Variants in NEGR1 observed in about 807,000 individuals in gnomAD.
NEGR1 encodes neuronal growth regulator 1.
A neutral mutation model predicts 40.9 loss-of-function variants in NEGR1; 10 were observed. The observed-to-expected ratio is 0.24, with a 90% CI of 0.15 to 0.42. The LOEUF is 0.42. NEGR1 is among the 10% of genes least tolerant of loss of function. The pLI, the probability that NEGR1 is intolerant of heterozygous loss-of-function variation, is 1.00. For missense variants in NEGR1, 352 were observed against 438.9 expected (o/e 0.80, Z 1.77); for synonymous variants, 185 against 166.8 (o/e 1.11, Z -0.84).
chr1:71,665,860 C>T lies in NEGR1; in HGVS notation c.667+32148G>A, dbSNP rs553778503. On this transcript the variant is annotated intron_variant, in intron 4 of 6. Coordinates refer to ENST00000357731, the MANE Select transcript of NEGR1 (RefSeq NM_173808.3). ...CTCCTATGGCTCTAGTTATCCTCCT[C>T]TAAGAGTATGCATTTTGTTTTGAAC... is the stretch of plus-strand genomic sequence containing the variant. Among the ~76,000 whole-genome samples the T allele has an allele frequency of 2.0e-5, 3 of 152,266 alleles. No homozygotes were observed. The South Asian group carries it at 6.2e-4, about 32-fold the overall frequency.
chr1:71,943,376 T>A (rs1289934002), intron 1 of NEGR1, among the ~76,000 whole-genome samples: 2 of 151,186 alleles, frequency 1.3e-5, no homozygotes, highest in Non-Finnish European at 3.0e-5. Flanking sequence ...ACATTTTAAA[T>A]GCCTGGGAAA....
intron 6 of NEGR1, among the ~76,000 whole-genome samples, chr1:71,466,454 A>G (rs750228686): frequency 2.0e-5 from 3 of 152,024 alleles, no homozygotes; most frequent in Admixed American, 1.3e-4. Context: ...TAGTTTATAA[A>G]CCACGGGTAT....
At chr1:71,778,211 A>G (rs1279811299) in intron 2 of NEGR1, among the ~76,000 whole-genome samples, 1 of 152,084 alleles carries the variant, frequency 6.6e-6, no homozygotes, top group Non-Finnish European at 1.5e-5. Flanking sequence ...ATATACATAT[A>G]TAGATGGTCA....
intron 3 of NEGR1, among the ~76,000 whole-genome samples, chr1:71,727,443 T>G (rs932860785): frequency 6.6e-6 from 1 of 152,122 alleles, no homozygotes; most frequent in African/African-American, 2.4e-5. Flanking sequence ...CTTCAGACAT[T>G]TATTAGGAAT....
At position 71,999,434 on chromosome 1, in the gene NEGR1, T is replaced by A. The variant is rs77246885; in HGVS notation, c.177-64123A>T. Among the ~76,000 whole-genome samples the A allele has an allele frequency of 6.2e-3, 940 of 151,178 alleles. 14 individuals carry two copies. The highest frequency in any genetic ancestry group is 0.022 in the African/African-American group (898 of 41,276). ...CTGGGAAGATGACAAATACCAGAAG[T>A]TTTAAGAAAGTTAAATATATCAGAA... On this transcript the variant is annotated intron_variant, in intron 1 of 6. Transcript: ENST00000357731.
intron 6 of NEGR1, among the ~76,000 whole-genome samples, chr1:71,507,158 T>C (rs1647040566): frequency 6.6e-6 from 1 of 152,194 alleles, no homozygotes; most frequent in Non-Finnish European, 1.5e-5. Flanking sequence ...AAGAGAACAC[T>C]GTAAAAGCTG....
chr1:71,851,919 A>C (rs754325874), intron 2 of NEGR1, among the ~76,000 whole-genome samples: 12 of 152,150 alleles, frequency 7.9e-5, no homozygotes, highest in Non-Finnish European at 8.8e-5. Flanking sequence ...AATGAAGGTA[A>C]AAATAGTTCC....
intron 1 of NEGR1, among the ~76,000 whole-genome samples, chr1:71,974,047 A>C (rs1352505598): frequency 6.6e-6 from 1 of 152,178 alleles, no homozygotes; most frequent in Non-Finnish European, 1.5e-5. Flanking sequence ...CAGTCAAGGA[A>C]GTAGATTACT....
At chr1:71,768,139 C>T (rs1448635123) in intron 3 of NEGR1, among the ~76,000 whole-genome samples, 1 of 152,180 alleles carries the variant, frequency 6.6e-6, no homozygotes, top group Admixed American at 6.5e-5. Context: ...CACACAGAGT[C>T]CCCACTGGGG....
intron 1 of NEGR1, among the ~76,000 whole-genome samples, chr1:72,180,051 G>A (rs6699731): frequency 0.52 from 78,887 of 151,756 alleles, 21,224 homozygotes; most frequent in East Asian, 0.84. Context: ...GCATAGAACC[G>A]TAAAAGACTC....
At chr1:71,880,607 C>T (rs1449688502) in intron 2 of NEGR1, among the ~76,000 whole-genome samples, 2 of 151,840 alleles carry the variant, frequency 1.3e-5, no homozygotes, top group Admixed American at 6.6e-5. Flanking sequence ...AGATAGAAAA[C>T]CTTGCAGTTT....
intron 1 of NEGR1, among the ~76,000 whole-genome samples, chr1:71,989,864 C>G (rs1436770802): frequency 6.6e-6 from 1 of 152,030 alleles, no homozygotes; most frequent in African/African-American, 2.4e-5. Flanking sequence ...ATTTATATAC[C>G]ATTGCAGTTA....
intron 6 of NEGR1, among the ~76,000 whole-genome samples, chr1:71,529,851 A>G (rs12759678): frequency 0.13 from 19,811 of 151,096 alleles, 1,880 homozygotes; most frequent in African/African-American, 0.27. Flanking sequence ...GTTTTCTTTC[A>G]TTCTTATTAT....
chr1:71,791,562 C>A (rs1657119245), intron 2 of NEGR1, among the ~76,000 whole-genome samples: 1 of 152,002 alleles, frequency 6.6e-6, no homozygotes, highest in African/African-American at 2.4e-5. Context: ...TAAAGTTATT[C>A]ATTTCATAAA....
At chr1:71,768,884 T>C (rs1656220280) in intron 3 of NEGR1, among the ~76,000 whole-genome samples, 1 of 152,066 alleles carries the variant, frequency 6.6e-6, no homozygotes, top group African/African-American at 2.4e-5. Flanking sequence ...GGAGATCTGG[T>C]TGTTTAAAAG....
chr1:72,212,070 G>A (rs774953666), intron 1 of NEGR1, among the ~76,000 whole-genome samples: 1 of 151,934 alleles, frequency 6.6e-6, no homozygotes, highest in Non-Finnish European at 1.5e-5. Flanking sequence ...TGATAGATGT[G>A]TTCTGATTCC....
At position 72,250,609 on chromosome 1, in the gene NEGR1, A is replaced by G. The variant is rs115160632; in HGVS notation, c.176+31710T>C. Among the ~76,000 whole-genome samples, 640 of 152,288 alleles carry G rather than the reference A, an allele frequency of 4.2e-3. 10 individuals carry two copies. Among genetic ancestry groups the G allele is most frequent in the Non-Finnish European group, 6.4e-3 (432 of 68,012 alleles). ...GAATAGAGCATACATGGCATAGCAT[A>G]TTGTTTAAAAATCCCAGAATCCTGT... On this transcript the variant is annotated intron_variant, in intron 1 of 6. Transcript: ENST00000357731.
At chr1:71,801,826 A>T (rs966824953) in intron 2 of NEGR1, among the ~76,000 whole-genome samples, 1 of 152,236 alleles carries the variant, frequency 6.6e-6, no homozygotes, top group African/African-American at 2.4e-5. Flanking sequence ...GTTAGCAGAA[A>T]TAAGGACATT....
rs555902431 is a variant in NEGR1, at chr1:71,935,537, G to T, written c.177-226C>A. 2.6e-4 allele frequency among the ~76,000 whole-genome samples: 39 copies of T among 152,076 alleles called. 2 individuals are homozygous for T. The East Asian group carries it at 6.6e-3, about 26-fold the overall frequency. The stretch of plus-strand genomic sequence containing the variant: ...TTTTAAGTGTGTAGTGTGTGTGTGT[G>T]TGTGTGTGTGCATGTTCGTGTGTGT... On this transcript the variant is annotated intron_variant, in intron 1 of 6. Coordinates refer to ENST00000357731, the MANE Select transcript of NEGR1 (RefSeq NM_173808.3).
Sources: gnomAD v4.1 joint callset for allele counts (sites outside exome capture counted in the v4.1 genomes callset) on GRCh38, gnomAD v4.1.1 for gene constraint, MANE v1.5 for transcripts, NCBI Gene and HGNC (gene_info 2026-07-23, HGNC 2026-07-21) for gene names.